TRIM2: variants seen among roughly 807,000 people sequenced by gnomAD.
TRIM2 encodes tripartite motif containing 2, also known as tripartite motif-containing protein 2.
In TRIM2, 20 loss-of-function variants were observed where a neutral mutation model predicts 75.2. The observed-to-expected ratio is 0.27, with a 90% CI of 0.19 to 0.39. TRIM2 has a LOEUF of 0.39. TRIM2 is among the 10% of genes least tolerant of loss of function. The pLI is 1.00. For missense variants in TRIM2, 660 were observed against 990.8 expected (o/e 0.67, Z 4.48); for synonymous variants, 373 against 388.3 (o/e 0.96, Z 0.46).
chr4:153,255,462 G>A (rs1293652487), intron 1 of TRIM2, among the ~76,000 whole-genome samples: 1 of 152,126 alleles, frequency 6.6e-6, no homozygotes, highest in African/African-American at 2.4e-5. Context: ...TTTGGCTTTG[G>A]GATAGGCTTA....
chr4:153,299,552 T>A (rs188023282), intron 6 of TRIM2, among the ~76,000 whole-genome samples: 17 of 152,344 alleles, frequency 1.1e-4, no homozygotes, highest in Non-Finnish European at 5.9e-5. Context: ...TACAGTGAGT[T>A]CTAGATTTCT....
At chr4:153,268,700 A>G (rs1443553322) in intron 1 of TRIM2, among the ~76,000 whole-genome samples, 1 of 152,194 alleles carries the variant, frequency 6.6e-6, no homozygotes, top group Non-Finnish European at 1.5e-5. Flanking sequence ...TTAAGGTGGT[A>G]AAAGGAGCTG....
At chr4:153,221,811 G>GAAT (rs1740185671) in intron 1 of TRIM2, among the ~76,000 whole-genome samples, 1 of 139,756 alleles carries the variant, frequency 7.2e-6, no homozygotes, top group Non-Finnish European at 1.5e-5. Context: ...AGGAAGGAAG[G>GAAT]GAGGGAGGGA....
At chr4:153,260,726 AT>A (rs111379609) in intron 1 of TRIM2, among the ~76,000 whole-genome samples, 3,890 of 101,542 alleles carry the variant, frequency 0.038, 152 homozygotes, top group African/African-American at 0.11. Flanking sequence ...ACACACACAC[AT>A]CATCATCATC....
rs753016700 is a variant in TRIM2, at chr4:153,275,906, T to C, written c.229T>C (p.Tyr77His). ...HTFCERCLQNYIPAHSLTLSC... is the reference protein window; with the variant it reads ...HTFCERCLQNHIPAHSLTLSC... ...CTTCTGCAACAGGTGCCTGCAGAAC[T>C]ACATTCCTGCCCACAGTTTAACCCT... is the stretch of plus-strand genomic sequence containing the variant. The change falls in exon 3 of 12, where the codon TAC becomes CAC. Residue 77 changes from tyrosine (Y) to histidine (H), a missense_variant. Tyr to His is a moderately conservative substitution (Grantham distance 83). This residue lies in a region of TRIM2 where 620 missense variants were observed against 891.0 expected (regional missense o/e 0.70). Transcript: ENST00000338700. 1.2e-6 allele frequency: 2 copies of C among 1,614,182 alleles called. No homozygotes were observed. The highest frequency in any genetic ancestry group is 1.7e-6 in the Non-Finnish European group (2 of 1,180,000).
At chr4:153,227,012 T>C (rs1742305419) in intron 1 of TRIM2, among the ~76,000 whole-genome samples, 1 of 152,254 alleles carries the variant, frequency 6.6e-6, no homozygotes, top group South Asian at 2.1e-4. Context: ...TTTCAAGTCC[T>C]GGTGGTACCT....
chr4:153,336,522 T>A lies in TRIM2; in HGVS notation c.*1556T>A. The A allele has an allele frequency of 1.0e-6, 1 of 985,820 alleles. No individual in the cohort carries two copies. Among genetic ancestry groups the A allele is most frequent in the Non-Finnish European group, 1.2e-6 (1 of 829,906 alleles). 61.1% of individuals were successfully genotyped at this position (985,820 alleles called of 1,614,324 possible). A position where few individuals can be genotyped will look rare whatever the true frequency, so the allele number is the denominator to read the frequency against. On this transcript the variant is annotated 3_prime_UTR_variant, in exon 12 of 12. Transcript: ENST00000338700. Reference sequence around the variant, plus strand: ...TACTGTAAAATAAGCTGTGGTCTATTTCCACTGTTTAATTTTCTACTCAGT... The same window carrying A: ...TACTGTAAAATAAGCTGTGGTCTATATCCACTGTTTAATTTTCTACTCAGT...
At chr4:153,222,830 C>T (rs1740982207) in intron 1 of TRIM2, 1 of 152,768 alleles carries the variant, frequency 6.5e-6, no homozygotes, top group African/African-American at 2.4e-5. Context: ...CTTCAGATCG[C>T]CTGAGGCTGC....
intron 4 of TRIM2, among the ~76,000 whole-genome samples, chr4:153,293,528 C>CTGAGCTCTGCAAAATGGTCT (rs1762224813): frequency 6.6e-6 from 1 of 152,196 alleles, no homozygotes; most frequent in Non-Finnish European, 1.5e-5. Flanking sequence ...TCCTTTCTGT[C>CTGAGCTCTGCAAAATGGTCT]TGAGCTCTGC....
chr4:153,183,192 C>T (rs1255879207), intron 1 of TRIM2, among the ~76,000 whole-genome samples: 1 of 152,222 alleles, frequency 6.6e-6, no homozygotes, highest in Non-Finnish European at 1.5e-5. Context: ...CTGCCTCTCT[C>T]CTCTGAACAC....
At chr4:153,204,324 GCAAA>G (rs1409158616), upstream of TRIM2, 2 of 600,886 alleles carry the variant, frequency 3.3e-6, no homozygotes, top group Non-Finnish European at 6.0e-6. Flanking sequence ...AATATCTTAA[GCAAA>G]CAGAGCCCAA....
intron 9 of TRIM2, among the ~76,000 whole-genome samples, chr4:153,323,474 G>A (rs950607814): frequency 6.6e-6 from 1 of 151,874 alleles, no homozygotes; most frequent in Non-Finnish European, 1.5e-5. Context: ...GTTTTCTGTT[G>A]TTTTGTTTTG....
chr4:153,270,569 A>G, intron 2 of TRIM2, 50 bp downstream of exon 2: 1 of 1,476,148 alleles, frequency 6.8e-7, no homozygotes, highest in Non-Finnish European at 9.2e-7. Context: ...CTGACCTCCT[A>G]CAACCTACTG....
rs1772347740 is a variant in TRIM2 at position 153,335,486 on chromosome 4, T to G, written c.*520T>G. 1.0e-6 allele frequency: 1 copy of G among 985,324 alleles called. No homozygotes were observed. Among genetic ancestry groups the G allele is most frequent in the Non-Finnish European group, 1.2e-6 (1 of 829,932 alleles). The allele number at this position is 985,324 out of a possible 1,614,324, so 61.0% of individuals were successfully genotyped here. A position where few individuals can be genotyped will look rare whatever the true frequency, so the allele number is the denominator to read the frequency against. On this transcript the variant is annotated 3_prime_UTR_variant, in exon 12 of 12. Transcript: ENST00000338700. ...ATCAACAACTAAATATAAATTACTT[T>G]GGAAAAAGTAAGGCTGTCTTGCAAA...
rs1477127979 is a variant in TRIM2 at position 153,337,520 on chromosome 4, A to G, written c.*2554A>G. The stretch of plus-strand genomic sequence containing the variant: ...GGAAACACTATATTTTTTCCAAAAA[A>G]TATGTGATTATATATGTTAAAGTAT... On this transcript the variant is annotated 3_prime_UTR_variant, in exon 12 of 12. Coordinates refer to ENST00000338700, the MANE Select transcript of TRIM2 (RefSeq NM_015271.5). 2 of 985,676 alleles carry G rather than the reference A, an allele frequency of 2.0e-6. No homozygotes were observed. The highest frequency in any genetic ancestry group is 3.5e-5 in the African/African-American group (2 of 57,246). 61.1% of individuals were successfully genotyped at this position (985,676 alleles called of 1,614,324 possible).
At chr4:153,161,112 G>A (rs1226749284) in intron 1 of TRIM2, among the ~76,000 whole-genome samples, 2 of 152,122 alleles carry the variant, frequency 1.3e-5, no homozygotes, top group African/African-American at 2.4e-5. Flanking sequence ...TCATTCTCTA[G>A]TATTCTAAGG....
chr4:153,217,577 G>A (rs1738826229), intron 1 of TRIM2, among the ~76,000 whole-genome samples: 1 of 152,172 alleles, frequency 6.6e-6, no homozygotes, highest in South Asian at 2.1e-4. Flanking sequence ...GTGACTCAGT[G>A]ATGCTTGACA....
chr4:153,313,856 C>A (rs765104097), intron 6 of TRIM2, among the ~76,000 whole-genome samples: 1 of 151,932 alleles, frequency 6.6e-6, no homozygotes, highest in South Asian at 2.1e-4. Context: ...AGGCTGGTCT[C>A]GAACTCCTGA....
chr4:153,195,136 A>T (rs1340839268), intron 1 of TRIM2, among the ~76,000 whole-genome samples: 2 of 152,168 alleles, frequency 1.3e-5, no homozygotes, highest in East Asian at 3.8e-4. Flanking sequence ...TGTCCTCATG[A>T]GAGATAGAAA....
Sources: allele counts gnomAD v4.1 joint callset (sites outside exome capture counted in the v4.1 genomes callset), GRCh38; gene constraint gnomAD v4.1.1; regional missense constraint gnomAD v4.1.1; transcripts MANE v1.5; gene names NCBI Gene and HGNC (gene_info 2026-07-23, HGNC 2026-07-21).